The following CTCF variants were observed in gnomAD, a reference collection of about 807,000 sequenced individuals.
CTCF encodes the protein CCCTC-binding factor.
CTCF carries 7 observed loss-of-function variants against 72.3 expected under a neutral mutation model. The observed-to-expected ratio is 0.10, with a 90% CI of 0.06 to 0.18. The LOEUF is 0.18. Ranked by LOEUF, CTCF falls within the 10% of genes least tolerant of loss-of-function variation. CTCF has a pLI of 1.00. For synonymous variants in CTCF, 374 were observed against 315.8 expected, an observed-to-expected ratio of 1.18 and a Z score of -1.95; for missense variants, 516 against 949.1, an observed-to-expected ratio of 0.54 and a Z score of 6.00.
intron 2 of CTCF, among the ~76,000 whole-genome samples, chr16:67,578,833 A>T (rs1386373270): frequency 6.6e-6 from 1 of 151,714 alleles, no homozygotes; most frequent in East Asian, 2.0e-4. Context: ...CTGTAATCTC[A>T]GCTACTCAGG....
chr16:67,633,710 C>T (rs1181304924), intron 10 of CTCF, among the ~76,000 whole-genome samples: 1 of 151,856 alleles, frequency 6.6e-6, no homozygotes, highest in African/African-American at 2.4e-5. Flanking sequence ...CGCACCAGTG[C>T]ACTCCAGCCT....
chr16:67,610,784 C>A, intron 2 of CTCF, 40 bp from the exon 3 acceptor site: 1 of 1,332,910 alleles, frequency 7.5e-7, no homozygotes, highest in Non-Finnish European at 9.9e-7. Flanking sequence ...TTTAGACATG[C>A]TTTGCTTTAA....
intron 1 of CTCF, chr16:67,563,712 A>G (rs143792594): frequency 6.6e-6 from 1 of 152,224 alleles, no homozygotes; most frequent in Non-Finnish European, 1.5e-5. Context: ...CTTAAATTTC[A>G]TTCTGATCTC....
At chr16:67,628,267 T>G in intron 8 of CTCF, 103 bp from the exon 9 acceptor site, 3 of 1,019,594 alleles carry the variant, frequency 2.9e-6, no homozygotes, top group Non-Finnish European at 4.3e-6. Flanking sequence ...AGTCTAGACC[T>G]AGCTTGGGTG....
chr16:67,608,256 G>A (rs935130614), intron 2 of CTCF, among the ~76,000 whole-genome samples: 10 of 150,558 alleles, frequency 6.6e-5, no homozygotes, highest in East Asian at 2.0e-4. Flanking sequence ...CCTGGGAGGC[G>A]GAGCTTGCAG....
intron 1 of CTCF, among the ~76,000 whole-genome samples, chr16:67,564,151 C>G (rs1020075897): frequency 6.6e-6 from 1 of 152,192 alleles, no homozygotes; most frequent in Non-Finnish European, 1.5e-5. Flanking sequence ...GGAAGTTAAA[C>G]AAGGCATATA....
intron 6 of CTCF, 72 bp from the exon 7 acceptor site, chr16:67,621,370 T>G (rs553291034): frequency 6.0e-5 from 70 of 1,163,516 alleles, no homozygotes; most frequent in Non-Finnish European, 7.9e-5. Flanking sequence ...ATCTGCCACC[T>G]GAGTTACCCT....
At chr16:67,563,064 A>T (rs906068514) in intron 1 of CTCF, among the ~76,000 whole-genome samples, 1 of 150,172 alleles carries the variant, frequency 6.7e-6, no homozygotes, top group Non-Finnish European at 1.5e-5. Context: ...TGGCCGGCCG[A>T]TCGCCCGGCC....
intron 2 of CTCF, among the ~76,000 whole-genome samples, chr16:67,587,026 T>G (rs2142755783): frequency 6.6e-6 from 1 of 152,184 alleles, no homozygotes; most frequent in East Asian, 1.9e-4. Flanking sequence ...TCTCTTGGGT[T>G]TATAGGTGTG....
intron 4 of CTCF, chr16:67,614,902 T>A (rs1313520185): frequency 6.6e-6 from 1 of 151,822 alleles, no homozygotes; most frequent in Non-Finnish European, 1.5e-5. Context: ...TTCGGGAGGC[T>A]GAAGCAGGCG....
At chr16:67,570,292 G>A (rs951212058) in intron 1 of CTCF, among the ~76,000 whole-genome samples, 5 of 151,190 alleles carry the variant, frequency 3.3e-5, no homozygotes, top group South Asian at 2.1e-4. Flanking sequence ...GTGTTAGCCA[G>A]GATGGTCTTG....
At chr16:67,594,219 T>C (rs906903361) in intron 2 of CTCF, among the ~76,000 whole-genome samples, 9 of 151,804 alleles carry the variant, frequency 5.9e-5, no homozygotes, top group Admixed American at 2.6e-4. Flanking sequence ...TGAGATCCCA[T>C]CTCTGTAAAA....
chr16:67,629,745 C>CTTTTTTTTTTTTTTTTTTTTTT (rs1567616725), intron 10 of CTCF, among the ~76,000 whole-genome samples: 1 of 85,064 alleles, frequency 1.2e-5, no homozygotes, highest in Non-Finnish European at 2.3e-5. Flanking sequence ...TCATTAATGC[C>CTTTTTTTTTTTTTTTTTTTTTT]CTTTTTTTTT....
At chr16:67,617,977 C>T (rs975516997) in intron 5 of CTCF, among the ~76,000 whole-genome samples, 1 of 152,108 alleles carries the variant, frequency 6.6e-6, no homozygotes, top group Non-Finnish European at 1.5e-5. Context: ...TGGGAAATTG[C>T]TGATGTATAT....
chr16:67,601,335 G>GTGTTT (rs910389366), intron 2 of CTCF, among the ~76,000 whole-genome samples: 2 of 134,190 alleles, frequency 1.5e-5, no homozygotes, highest in South Asian at 2.3e-4. Context: ...GTGTGTGTGT[G>GTGTTT]TGTTTTGTTT....
intron 2 of CTCF, among the ~76,000 whole-genome samples, chr16:67,590,605 G>A (rs2051729133): frequency 6.6e-6 from 1 of 151,608 alleles, no homozygotes; most frequent in Non-Finnish European, 1.5e-5. Context: ...CCAAAGTGCT[G>A]GGATTACAGG....
intron 2 of CTCF, among the ~76,000 whole-genome samples, chr16:67,574,172 A>G (rs1204494638): frequency 2.6e-5 from 4 of 152,134 alleles, no homozygotes; most frequent in Admixed American, 2.0e-4. Context: ...CAGTCCCATA[A>G]GACCACCTGT....
intron 2 of CTCF, among the ~76,000 whole-genome samples, chr16:67,601,054 G>C (rs1457746904): frequency 6.6e-6 from 1 of 152,154 alleles, no homozygotes; most frequent in Non-Finnish European, 1.5e-5. Flanking sequence ...AGATGGATTG[G>C]AGCTGCTAGT....
chr16:67,616,549 A>G (rs1387403250), intron 4 of CTCF, 196 bp from the exon 5 acceptor site: 9 of 596,172 alleles, frequency 1.5e-5, no homozygotes, highest in Middle Eastern at 4.3e-4. Context: ...ATGTGTTATA[A>G]TATCCTGGTG....
Sources: gnomAD v4.1 joint callset for allele counts (sites outside exome capture counted in the v4.1 genomes callset) on GRCh38, gnomAD v4.1.1 for gene constraint, MANE v1.5 for transcripts, NCBI Gene and HGNC (gene_info 2026-07-23, HGNC 2026-07-21) for gene names.